Variants in CNTN5 observed in about 807,000 individuals in gnomAD.
CNTN5 encodes the protein contactin 5.
A neutral mutation model predicts 129.1 loss-of-function variants in CNTN5; 77 were observed. The ratio of observed to expected loss-of-function variants is 0.60; its 90% CI spans 0.50 to 0.72. The LOEUF is 0.72. Ranked by LOEUF, CNTN5 falls within the 30% of genes least tolerant of loss-of-function variation. The pLI, the probability that CNTN5 is intolerant of heterozygous loss-of-function variation, is 0.00. For missense variants in CNTN5, 1,478 were observed against 1,328.8 expected (o/e 1.11, Z -1.75); for synonymous variants, 509 against 465.6 (o/e 1.09, Z -1.20).
intron 3 of CNTN5, among the ~76,000 whole-genome samples, chr11:99,667,513 G>T (rs1471672600): frequency 6.6e-6 from 1 of 151,902 alleles, no homozygotes; most frequent in Non-Finnish European, 1.5e-5. Flanking sequence ...TTGTACCCCT[G>T]GTAAAGAAGC....
At chr11:100,287,821 TAA>T (rs1218124880) in intron 18 of CNTN5, among the ~76,000 whole-genome samples, 5 of 152,100 alleles carry the variant, frequency 3.3e-5, no homozygotes, top group African/African-American at 1.2e-4. Flanking sequence ...GCAAATTAGA[TAA>T]AGAGTCAAGA....
At chr11:99,939,328 G>A (rs950204726) in intron 7 of CNTN5, among the ~76,000 whole-genome samples, 32 of 151,706 alleles carry the variant, frequency 2.1e-4, no homozygotes, top group African/African-American at 7.5e-4. Context: ...ATTTTTTAGC[G>A]CAACCAAATA....
intron 3 of CNTN5, among the ~76,000 whole-genome samples, chr11:99,777,553 C>T (rs796911239): frequency 1.6e-4 from 24 of 151,724 alleles, no homozygotes; most frequent in African/African-American, 5.5e-4. Flanking sequence ...TACTTGAAAG[C>T]AATTTTATAT....
At chr11:100,257,449 T>C (rs1054093876) in intron 17 of CNTN5, among the ~76,000 whole-genome samples, 4 of 152,160 alleles carry the variant, frequency 2.6e-5, no homozygotes, top group African/African-American at 7.2e-5. Context: ...AGGGACAGAC[T>C]GCCTCCTCAA....
At chr11:99,283,170 A>ACC (rs917844689) in intron 1 of CNTN5, among the ~76,000 whole-genome samples, 1 of 152,010 alleles carries the variant, frequency 6.6e-6, no homozygotes. Context: ...TGTGACCACT[A>ACC]CCTCTGGGAA....
intron 12 of CNTN5, 100 bp downstream of exon 12, chr11:100,071,934 T>C (rs1943938144): frequency 8.2e-6 from 9 of 1,099,564 alleles, no homozygotes; most frequent in Non-Finnish European, 1.1e-5. Context: ...GTTGTAAAAA[T>C]CTATTTTATG....
intron 13 of CNTN5, among the ~76,000 whole-genome samples, chr11:100,179,625 A>G (rs1378062599): frequency 6.6e-6 from 1 of 152,080 alleles, no homozygotes; most frequent in Non-Finnish European, 1.5e-5. Flanking sequence ...TGAATTAGCT[A>G]TTGAGTCATA....
chr11:99,291,417 C>CA (rs144471153), intron 1 of CNTN5, among the ~76,000 whole-genome samples: 7,018 of 151,840 alleles, frequency 0.046, 352 homozygotes, highest in East Asian at 0.19. Flanking sequence ...TTTAAAACAG[C>CA]ATTTGCTATG....
intron 9 of CNTN5, among the ~76,000 whole-genome samples, chr11:100,029,045 G>C (rs1439656403): frequency 2.0e-5 from 3 of 151,838 alleles, no homozygotes; most frequent in Non-Finnish European, 4.4e-5. Flanking sequence ...AAGACCAAGA[G>C]CCAAATACGT....
rs911573921 is a variant in CNTN5, at chr11:100,029,162, A to C, written c.980+27026A>C. 6.6e-5 allele frequency among the ~76,000 whole-genome samples: 10 copies of C among 152,166 alleles called. 1 individual carries two copies. Among genetic ancestry groups the C allele is most frequent in the Non-Finnish European group, 1.5e-4 (10 of 68,014 alleles). On this transcript the variant is annotated intron_variant, in intron 9 of 24. Transcript: ENST00000524871. ...ATGTGATTCAGATATAGAAAAAAAAAAATGACAAAACAAAACAACTTGAAT... is the reference window on the plus strand; with the variant it reads ...ATGTGATTCAGATATAGAAAAAAAACAATGACAAAACAAAACAACTTGAAT...
intron 3 of CNTN5, among the ~76,000 whole-genome samples, chr11:99,694,125 GA>G (rs1954156474): frequency 1.3e-5 from 2 of 151,592 alleles, no homozygotes; most frequent in African/African-American, 4.8e-5. Context: ...AAAAGGCAGA[GA>G]AAGCTAGAAA....
chr11:99,428,469 G>A (rs1033238351), intron 2 of CNTN5, among the ~76,000 whole-genome samples: 2 of 149,424 alleles, frequency 1.3e-5, no homozygotes, highest in East Asian at 2.0e-4. Flanking sequence ...GTTAAGGTGA[G>A]AGATCTCTTG....
Position 99,875,359 on chromosome 11 carries a change from A to G in CNTN5, c.577+30097A>G, listed in dbSNP as rs76439850. On this transcript the variant is annotated intron_variant, in intron 6 of 24. Transcript: ENST00000524871. ...ATAGATTTGTTTGAATCTGTTTATC[A>G]TAACTGGGAAGTTGATTATTAAAAC... is the stretch of plus-strand genomic sequence containing the variant. Among the ~76,000 whole-genome samples the G allele has an allele frequency of 2.1e-3, 322 of 152,268 alleles. 1 individual carries two copies. The highest frequency in any genetic ancestry group is 7.0e-3 in the African/African-American group (290 of 41,550).
At chr11:99,789,223 C>T (rs965111262) in intron 3 of CNTN5, among the ~76,000 whole-genome samples, 2 of 151,844 alleles carry the variant, frequency 1.3e-5, no homozygotes, top group Non-Finnish European at 2.9e-5. Flanking sequence ...GTAGACTTCC[C>T]ATTTTGTACC....
At chr11:100,210,499 G>A (rs935801806) in intron 15 of CNTN5, among the ~76,000 whole-genome samples, 4 of 152,094 alleles carry the variant, frequency 2.6e-5, no homozygotes, top group African/African-American at 9.7e-5. Flanking sequence ...TGTAACTCAA[G>A]TATTAGACTT....
At chr11:100,124,103 T>G (rs552999213) in intron 13 of CNTN5, among the ~76,000 whole-genome samples, 21 of 152,132 alleles carry the variant, frequency 1.4e-4, no homozygotes, top group Non-Finnish European at 2.5e-4. Flanking sequence ...AATATCTTTT[T>G]CAGTATTTCC....
intron 4 of CNTN5, among the ~76,000 whole-genome samples, chr11:99,820,294 G>A (rs1190164401): frequency 1.3e-5 from 2 of 152,302 alleles, no homozygotes; most frequent in Non-Finnish European, 2.9e-5. Flanking sequence ...CAATTTGACA[G>A]TGAATATCGG....
At chr11:100,279,393 C>T (rs1045780436) in intron 18 of CNTN5, among the ~76,000 whole-genome samples, 2 of 151,452 alleles carry the variant, frequency 1.3e-5, no homozygotes, top group Admixed American at 6.6e-5. Flanking sequence ...GGTTTTAGTT[C>T]TTCTTTAAAT....
At chr11:99,667,660 C>G (rs768846213) in intron 3 of CNTN5, among the ~76,000 whole-genome samples, 1 of 152,102 alleles carries the variant, frequency 6.6e-6, no homozygotes, top group Non-Finnish European at 1.5e-5. Context: ...ATGGATGAAG[C>G]TGGAAGCCAT....
Sources: allele counts gnomAD v4.1 joint callset (sites outside exome capture counted in the v4.1 genomes callset), GRCh38; gene constraint gnomAD v4.1.1; transcripts MANE v1.5; gene names NCBI Gene and HGNC (gene_info 2026-07-23, HGNC 2026-07-21).